DNAH14: variants seen among roughly 807,000 people sequenced by gnomAD.
The protein encoded by DNAH14 is dynein axonemal heavy chain 14, also known as axonemal beta dynein heavy chain 14.
DNAH14 carries 478 observed loss-of-function variants against 520.9 expected under a neutral mutation model. The ratio of observed to expected loss-of-function variants is 0.92; its 90% CI spans 0.85 to 0.99. DNAH14 has a LOEUF of 0.99. DNAH14 is among the 50% of genes least tolerant of loss of function. The pLI is 0.00. For missense variants in DNAH14, 4,831 were observed against 5,234.5 expected (o/e 0.92, Z 2.38); for synonymous variants, 1,581 against 1,757.2 (o/e 0.90, Z 2.51).
intron 17 of DNAH14, among the ~76,000 whole-genome samples, chr1:225,075,952 G>T (rs192871024): frequency 1.2e-5 from 1 of 81,386 alleles, no homozygotes; most frequent in Admixed American, 1.2e-4. Flanking sequence ...AATAGTTCAT[G>T]GGCCAGCTTG....
chr1:225,309,824 C>G (rs370790412), intron 60 of DNAH14, among the ~76,000 whole-genome samples: 1 of 151,946 alleles, frequency 6.6e-6, no homozygotes, highest in Non-Finnish European at 1.5e-5. Flanking sequence ...ACCTAGGAGG[C>G]GGAGATTGCA....
intron 8 of DNAH14, among the ~76,000 whole-genome samples, 171 bp from the exon 9 acceptor site, chr1:225,002,612 A>AT (rs1470710636): frequency 1.3e-5 from 2 of 152,080 alleles, no homozygotes; most frequent in East Asian, 3.9e-4. Flanking sequence ...TGCCTACAAC[A>AT]TTATCATCCA....
At position 225,148,342 on chromosome 1, in the gene DNAH14, T is replaced by C. The variant is rs186911108; in HGVS notation, c.4940+1093T>C. 2.6e-5 allele frequency among the ~76,000 whole-genome samples: 4 copies of C among 152,022 alleles called. No homozygotes were observed. In the East Asian group the frequency reaches 7.7e-4, roughly 29 times the overall value. ...GATAGCCATTCTGACTGATGTGAGA[T>C]AGTATCTCATTGTGGTTTTGATTTG... On this transcript the variant is annotated intron_variant, in intron 31 of 85. Coordinates refer to ENST00000682510, the MANE Select transcript of DNAH14 (RefSeq NM_001367479.1).
intron 17 of DNAH14, among the ~76,000 whole-genome samples, chr1:225,054,146 A>T (rs561872366): frequency 6.6e-6 from 1 of 152,182 alleles, no homozygotes; most frequent in Non-Finnish European, 1.5e-5. Context: ...TCTGTCTCCT[A>T]CTATACCCCT....
At chr1:225,273,258 C>T (rs939552124) in intron 52 of DNAH14, 133 bp downstream of exon 52, 83 of 977,148 alleles carry the variant, frequency 8.5e-5, no homozygotes, top group Non-Finnish European at 1.1e-4. Flanking sequence ...CGTGAAACCC[C>T]GTGTCTACTA....
intron 36 of DNAH14, among the ~76,000 whole-genome samples, chr1:225,181,574 T>C (rs1180632014): frequency 6.6e-6 from 1 of 152,198 alleles, no homozygotes; most frequent in Non-Finnish European, 1.5e-5. Flanking sequence ...CTCTGATAAT[T>C]AGTGATGTGA....
At position 225,360,748 on chromosome 1, in the gene DNAH14, CATA is replaced by C; in HGVS notation, c.11847_11849del (p.Ile3950del). ...TAAAAGGAACAACACATCATGTGAC[CATA>C]ATTTCTCTGGGCCGTGACCAAGCAG... On this transcript the variant is annotated inframe_deletion, in exon 75 of 86. Transcript: ENST00000682510. 6.4e-7 allele frequency: 1 copy of C among 1,551,684 alleles called. No homozygotes were observed. Among genetic ancestry groups the C allele is most frequent in the East Asian group, 2.4e-5 (1 of 40,920 alleles).
chr1:225,028,111 T>G (rs1455223097), intron 11 of DNAH14, among the ~76,000 whole-genome samples: 8 of 152,098 alleles, frequency 5.3e-5, no homozygotes, highest in African/African-American at 1.9e-4. Flanking sequence ...GATGTGTTTG[T>G]CTGGTTTTGG....
intron 43 of DNAH14, among the ~76,000 whole-genome samples, chr1:225,243,229 C>T (rs2092074421): frequency 6.6e-6 from 1 of 152,024 alleles, no homozygotes; most frequent in Admixed American, 6.6e-5. Flanking sequence ...TATTTGAATG[C>T]TTATCTTAAA....
Position 224,929,721 on chromosome 1 carries a change from C to T in DNAH14, c.-148C>T, listed in dbSNP as rs1482375115. ...GGCGTCGGAGCCTGGCGTGGTAGGG[C>T]TGTGCTGCGCGGTCCTTCCCATTCA... On this transcript the variant is annotated 5_prime_UTR_variant, in exon 1 of 86. Coordinates refer to ENST00000682510, the MANE Select transcript of DNAH14 (RefSeq NM_001367479.1). 1.4e-6 allele frequency: 1 copy of T among 702,278 alleles called. No individual in the cohort carries two copies. Among genetic ancestry groups the T allele is most frequent in the African/African-American group, 1.7e-5 (1 of 57,262 alleles). The allele number at this position is 702,278 out of a possible 1,614,324, so 43.5% of individuals were successfully genotyped here. A position where few individuals can be genotyped will look rare whatever the true frequency, so the allele number is the denominator to read the frequency against.
intron 10 of DNAH14, among the ~76,000 whole-genome samples, chr1:225,014,035 G>T (rs1369075662): frequency 6.6e-6 from 1 of 152,040 alleles, no homozygotes; most frequent in Non-Finnish European, 1.5e-5. Context: ...TCGGATTTTT[G>T]CCATACAAGC....
At chr1:225,078,761 A>C (rs1002064606) in intron 17 of DNAH14, among the ~76,000 whole-genome samples, 1 of 69,388 alleles carries the variant, frequency 1.4e-5, no homozygotes, top group East Asian at 4.5e-4. Context: ...GCACTCCCCC[A>C]TTCTCAATCT....
In DNAH14 at chr1:225,303,166, A is replaced by C; in HGVS notation, c.8642A>C (p.Lys2881Thr). 6.7e-7 allele frequency: 1 copy of C among 1,485,552 alleles called. No individual in the cohort carries two copies. Among genetic ancestry groups the C allele is most frequent in the Non-Finnish European group, 9.0e-7 (1 of 1,116,432 alleles). 92.0% of individuals were successfully genotyped at this position (1,485,552 alleles called of 1,614,324 possible). The change falls in exon 57 of 86, where the codon AAA (lysine) becomes ACA (threonine). Residue 2881 changes from lysine to threonine, a missense_variant. Physicochemically the swap from Lys to Thr is moderately conservative, Grantham distance 78 (BLOSUM62 -1). Transcript: ENST00000682510. The stretch of plus-strand genomic sequence containing the variant: ...TTCATTAATTTTCAGAGAATATATA[A>C]AAATCTTCATATTTTTGTGATCATG... ...LLSFFQKRIY[K>T]NLHIFVIMSP...
Position 225,380,094 on chromosome 1 carries a change from C to A in DNAH14, c.12717-65C>A, listed in dbSNP as rs1413130972. On this transcript the variant is annotated intron_variant, in intron 79 of 85. Coordinates refer to ENST00000682510, the MANE Select transcript of DNAH14 (RefSeq NM_001367479.1). Reference sequence around the variant, plus strand: ...CTACCAGTAATCTTGAATCCTTTAACAAATCTCTCCCCATCTCCCCACTTC... The same window carrying A: ...CTACCAGTAATCTTGAATCCTTTAAAAAATCTCTCCCCATCTCCCCACTTC... 4 of 1,478,080 alleles carry A rather than the reference C, an allele frequency of 2.7e-6. No individual in the cohort carries two copies. The East Asian group carries it at 1.0e-4, about 37-fold the overall frequency. 91.6% of individuals were successfully genotyped at this position (1,478,080 alleles called of 1,614,324 possible). A position where few individuals can be genotyped will look rare whatever the true frequency, so the allele number is the denominator to read the frequency against.
intron 81 of DNAH14, among the ~76,000 whole-genome samples, chr1:225,386,618 G>A (rs1225673460): frequency 2.0e-5 from 3 of 152,164 alleles, no homozygotes; most frequent in African/African-American, 7.2e-5. Flanking sequence ...GCAGCCAACA[G>A]ACACATGAAA....
At position 225,232,773 on chromosome 1, in the gene DNAH14, T is replaced by C. The variant is rs147070353; in HGVS notation, c.6518+1622T>C. Among the ~76,000 whole-genome samples the C allele has an allele frequency of 1.4e-4, 21 of 152,322 alleles. No homozygotes were observed. In the East Asian group the frequency reaches 4.0e-3, roughly 29 times the overall value. ...CTGACTCCCACATCTAAACTAGTTATCCCTACTATTATTCTTCATGCAGTG... is the reference window on the plus strand; with the variant it reads ...CTGACTCCCACATCTAAACTAGTTACCCCTACTATTATTCTTCATGCAGTG... On this transcript the variant is annotated intron_variant, in intron 42 of 85. Transcript: ENST00000682510. This position sits in a 1 kb window ranked among gnomAD's most constrained non-coding sequence, Gnocchi z 4.2.
At chr1:225,386,220 A>C (rs1441473970) in intron 81 of DNAH14, among the ~76,000 whole-genome samples, 1 of 152,250 alleles carries the variant, frequency 6.6e-6, no homozygotes. Context: ...ACCTGGTATA[A>C]AAATTAATTC....
chr1:225,365,578 G>T (rs1458687051), intron 76 of DNAH14, among the ~76,000 whole-genome samples: 1 of 152,162 alleles, frequency 6.6e-6, no homozygotes, highest in Admixed American at 6.5e-5. Context: ...TCTCAGCTCT[G>T]CCCGTCTCCT....
intron 44 of DNAH14, among the ~76,000 whole-genome samples, chr1:225,254,698 C>T (rs1347896677): frequency 6.6e-6 from 1 of 152,192 alleles, no homozygotes; most frequent in African/African-American, 2.4e-5. Context: ...AACTGAGAGT[C>T]CAGTATATTG....
Sources: gnomAD v4.1 joint callset for allele counts (sites outside exome capture counted in the v4.1 genomes callset) on GRCh38, gnomAD v4.1.1 for gene constraint, Gnocchi (gnomAD v3.1) non-coding constraint, MANE v1.5 for transcripts, NCBI Gene and HGNC (gene_info 2026-07-23, HGNC 2026-07-21) for gene names.